Variants in AK9 observed in about 807,000 individuals in gnomAD.
AK9 encodes the protein adenylate kinase domain containing 1.
Under a neutral mutation model 239.6 loss-of-function variants are expected in AK9, and 191 were observed. That is an observed-to-expected ratio of 0.80 (90% CI 0.71 to 0.90). The LOEUF (loss-of-function observed/expected upper bound fraction) is 0.90. AK9 is among the 40% of genes least tolerant of loss of function. AK9 has a pLI of 0.00. For missense variants in AK9, 1,995 were observed against 2,214.7 expected (o/e 0.90, Z 1.99); for synonymous variants, 689 against 721.0 (o/e 0.96, Z 0.71).
intron 19 of AK9, among the ~76,000 whole-genome samples, chr6:109,584,624 C>T (rs1789259418): frequency 2.0e-5 from 3 of 152,076 alleles, no homozygotes; most frequent in Admixed American, 2.0e-4. Flanking sequence ...TTTAAAAAGT[C>T]ATTCATTATA....
intron 17 of AK9, among the ~76,000 whole-genome samples, chr6:109,609,089 A>T (rs1314554549): frequency 6.6e-6 from 1 of 152,254 alleles, no homozygotes; most frequent in Non-Finnish European, 1.5e-5. Flanking sequence ...TTTAAACTAC[A>T]GTCCCAGAGC....
intron 19 of AK9, among the ~76,000 whole-genome samples, chr6:109,584,634 A>G (rs17070740): frequency 0.029 from 4,381 of 152,178 alleles, 99 homozygotes; most frequent in East Asian, 0.11. Flanking sequence ...CATTCATTAT[A>G]CCCAGATTAG....
At chr6:109,553,829 G>A (rs114311288) in intron 24 of AK9, among the ~76,000 whole-genome samples, 4,596 of 152,146 alleles carry the variant, frequency 0.03, 104 homozygotes, top group East Asian at 0.11. Context: ...TATGATATTC[G>A]CTGTGGCTTT....
intron 32 of AK9, 63 bp downstream of exon 32, chr6:109,514,161 T>C: frequency 7.0e-7 from 1 of 1,429,786 alleles, no homozygotes; most frequent in South Asian, 1.3e-5. Context: ...TGACCTGCCA[T>C]GTGCATTGGG....
chr6:109,602,361 G>A (rs2128230239), intron 17 of AK9, among the ~76,000 whole-genome samples: 1 of 152,248 alleles, frequency 6.6e-6, no homozygotes, highest in East Asian at 1.9e-4. Flanking sequence ...ATGAAATTCT[G>A]GGTTGAAAAT....
intron 1 of AK9, among the ~76,000 whole-genome samples, chr6:109,687,551 T>C (rs1192986527): frequency 1.3e-5 from 2 of 152,142 alleles, no homozygotes; most frequent in African/African-American, 4.8e-5. Flanking sequence ...GAAGAGTGGG[T>C]GGCATGTGAG....
At chr6:109,691,118 C>T (rs545866772) in intron 1 of AK9, 29 bp downstream of exon 1, 1 of 505,826 alleles carries the variant, frequency 2.0e-6, no homozygotes, top group Non-Finnish European at 3.6e-6. Context: ...TCGACTTTTT[C>T]TCCGCCCATG....
At chr6:109,544,741 C>T (rs756180526) in intron 26 of AK9, among the ~76,000 whole-genome samples, 6 of 152,078 alleles carry the variant, frequency 3.9e-5, no homozygotes, top group East Asian at 1.9e-4. Context: ...TTTATAGCAA[C>T]GAGAGAACAG....
intron 8 of AK9, among the ~76,000 whole-genome samples, chr6:109,653,005 C>T (rs1406507961): frequency 2.0e-5 from 3 of 152,078 alleles, no homozygotes; most frequent in Non-Finnish European, 4.4e-5. Flanking sequence ...TGGCTCACTG[C>T]AACCTCCACC....
chr6:109,585,872 A>T, intron 18 of AK9, 44 bp downstream of exon 18: 1 of 1,508,130 alleles, frequency 6.6e-7, no homozygotes, highest in South Asian at 1.3e-5. Flanking sequence ...AAATATCAAT[A>T]ACAAAACTTC....
chr6:109,574,963 G>T (rs543414617), intron 20 of AK9, among the ~76,000 whole-genome samples: 2 of 152,210 alleles, frequency 1.3e-5, no homozygotes, highest in African/African-American at 2.4e-5. Flanking sequence ...ACAATGTTTG[G>T]TTTTCTATTC....
chr6:109,648,107 T>C (rs1798337875), intron 8 of AK9, among the ~76,000 whole-genome samples: 1 of 152,014 alleles, frequency 6.6e-6, no homozygotes, highest in Non-Finnish European at 1.5e-5. Flanking sequence ...GAGGGAAATT[T>C]ATAGCACTAA....
At chr6:109,495,301 C>G in intron 39 of AK9, 37 bp downstream of exon 39, 1 of 1,491,524 alleles carries the variant, frequency 6.7e-7, no homozygotes, top group South Asian at 1.2e-5. Flanking sequence ...TCATTGTATT[C>G]TTCTAACATA....
chr6:109,633,790 A>C (rs1195400781), intron 10 of AK9, among the ~76,000 whole-genome samples: 1 of 152,188 alleles, frequency 6.6e-6, no homozygotes, highest in Non-Finnish European at 1.5e-5. Context: ...ACTTAGCTAT[A>C]AGCAGTTCTT....
chr6:109,619,470 C>T (rs1189251693), intron 12 of AK9, among the ~76,000 whole-genome samples: 2 of 152,044 alleles, frequency 1.3e-5, no homozygotes, highest in African/African-American at 2.4e-5. Context: ...ATGTATTTAT[C>T]ATGTAGTATA....
rs1406644438 is a variant in AK9, at chr6:109,512,134, C to G, written c.4279+2090G>C. ...AGCACAAGATACAGGTCATAAAGACCTTGCTGATAAAACAGATTGCAGTAA... is the reference window on the plus strand; with the variant it reads ...AGCACAAGATACAGGTCATAAAGACGTTGCTGATAAAACAGATTGCAGTAA... On this transcript the variant is annotated intron_variant, in intron 32 of 40. Transcript: ENST00000424296. Among the ~76,000 whole-genome samples, 5 of 152,128 alleles carry G rather than the reference C, an allele frequency of 3.3e-5. 1 individual carries two copies. The highest frequency in any genetic ancestry group is 3.3e-4 in the Admixed American group (5 of 15,282).
intron 8 of AK9, among the ~76,000 whole-genome samples, chr6:109,650,378 T>G (rs4273727): frequency 1.3e-5 from 2 of 151,548 alleles, no homozygotes; most frequent in African/African-American, 2.4e-5. Context: ...AGAACTCAAA[T>G]AAATTTACAA....
At chr6:109,630,588 T>TC (rs1796001329) in intron 12 of AK9, among the ~76,000 whole-genome samples, 3 of 152,146 alleles carry the variant, frequency 2.0e-5, no homozygotes, top group Non-Finnish European at 4.4e-5. Flanking sequence ...ACACTTGTAA[T>TC]CCCAGTGCTT....
At chr6:109,521,820 T>TA (rs1309608376) in intron 29 of AK9, among the ~76,000 whole-genome samples, 1 of 152,042 alleles carries the variant, frequency 6.6e-6, no homozygotes, top group East Asian at 1.9e-4. Flanking sequence ...ATGCTACAAT[T>TA]ACATTTGCCC....
Sources: allele counts gnomAD v4.1 joint callset (sites outside exome capture counted in the v4.1 genomes callset), GRCh38; gene constraint gnomAD v4.1.1; transcripts MANE v1.5; gene names NCBI Gene and HGNC (gene_info 2026-07-23, HGNC 2026-07-21).